Variants in TRPM3 observed in about 807,000 individuals in gnomAD.
TRPM3 encodes transient receptor potential cation channel subfamily M member 3, also known as long transient receptor potential channel 3.
In TRPM3, 77 loss-of-function variants were observed where a neutral mutation model predicts 181.2. That is an observed-to-expected ratio of 0.42 (90% CI 0.35 to 0.51). The LOEUF (loss-of-function observed/expected upper bound fraction) is 0.51, where lower values mean the gene tolerates loss of function less well. Among genes scored for constraint, TRPM3 ranks in the 20% least tolerant of loss-of-function variants. TRPM3 has a pLI of 0.01. For synonymous variants in TRPM3, 745 were observed against 796.4 expected, an observed-to-expected ratio of 0.94 and a Z score of 1.09; for missense variants, 1,759 against 2,196.7, an observed-to-expected ratio of 0.80 and a Z score of 3.98.
intron 1 of TRPM3, among the ~76,000 whole-genome samples, chr9:71,051,455 T>G (rs952854945): frequency 6.6e-6 from 1 of 152,094 alleles, no homozygotes; most frequent in Non-Finnish European, 1.5e-5. Flanking sequence ...GTACCCAAGG[T>G]GCACAAGTAG....
chr9:70,562,903 T>C (rs1013826959), intron 22 of TRPM3, among the ~76,000 whole-genome samples: 31 of 152,142 alleles, frequency 2.0e-4, no homozygotes, highest in African/African-American at 7.2e-4. Flanking sequence ...AGGAGATCGA[T>C]TGCATTAACA....
intron 1 of TRPM3, among the ~76,000 whole-genome samples, chr9:71,168,883 T>C (rs2076696128): frequency 2.0e-5 from 3 of 152,164 alleles, no homozygotes; most frequent in African/African-American, 7.2e-5. Flanking sequence ...AGTTCACTGA[T>C]ACAAAAGAAG....
intron 1 of TRPM3, among the ~76,000 whole-genome samples, chr9:71,260,501 T>C (rs1352428895): frequency 1.3e-5 from 2 of 152,220 alleles, no homozygotes; most frequent in Non-Finnish European, 2.9e-5. Context: ...ATATTGATTC[T>C]TCCTATCCAT....
At chr9:71,395,797 C>G (rs1047387498) in intron 1 of TRPM3, among the ~76,000 whole-genome samples, 5 of 152,092 alleles carry the variant, frequency 3.3e-5, no homozygotes, top group Admixed American at 3.3e-4. Flanking sequence ...CCTTTTAATA[C>G]CCTTTAATCA....
chr9:71,217,140 CG>C (rs970434660), intron 1 of TRPM3, among the ~76,000 whole-genome samples: 1 of 151,012 alleles, frequency 6.6e-6, no homozygotes, highest in African/African-American at 2.4e-5. Context: ...TTAGTAGAGA[CG>C]GGGTTTCACC....
chr9:71,377,323 A>C (rs2092690543), intron 1 of TRPM3, among the ~76,000 whole-genome samples: 1 of 152,126 alleles, frequency 6.6e-6, no homozygotes, highest in Admixed American at 6.6e-5. Context: ...AATATTAACC[A>C]CCATCCAAAC....
chr9:71,211,423 T>C (rs1186929460), intron 1 of TRPM3, among the ~76,000 whole-genome samples: 1 of 151,932 alleles, frequency 6.6e-6, no homozygotes, highest in Non-Finnish European at 1.5e-5. Flanking sequence ...CTAAAGACAG[T>C]AATGCCAATT....
chr9:71,172,927 C>T (rs1426625426), intron 1 of TRPM3, among the ~76,000 whole-genome samples: 1 of 152,142 alleles, frequency 6.6e-6, no homozygotes, highest in African/African-American at 2.4e-5. Flanking sequence ...AATGCAGAGG[C>T]ATCTTGTAAC....
At chr9:71,257,204 C>T (rs1363005659) in intron 1 of TRPM3, among the ~76,000 whole-genome samples, 8 of 151,938 alleles carry the variant, frequency 5.3e-5, no homozygotes, top group Non-Finnish European at 2.9e-5. Flanking sequence ...TTTAATAGTA[C>T]AGATCAAGAT....
At chr9:70,862,779 G>T (rs2095554815) in intron 3 of TRPM3, 129 bp downstream of exon 3, 9 of 887,810 alleles carry the variant, frequency 1.0e-5, no homozygotes, top group Non-Finnish European at 1.6e-5. Flanking sequence ...CTCAGAGCAG[G>T]TCACCTCATC....
At position 70,874,059 on chromosome 9, in the gene TRPM3, A is replaced by G. The variant is rs181157918; in HGVS notation, c.178-9548T>C. Among the ~76,000 whole-genome samples the G allele has an allele frequency of 1.5e-4, 23 of 152,052 alleles. No homozygotes were observed. In the East Asian group the frequency reaches 4.5e-3, roughly 30 times the overall value. ...TGTTAGGTTAGATTATGTTTTTATC[A>G]TCTGATTGGGAAAAGATTCAATAAA... On this transcript the variant is annotated intron_variant, in intron 1 of 25. Transcript: ENST00000677713.
intron 1 of TRPM3, among the ~76,000 whole-genome samples, chr9:70,941,199 G>C (rs559520806): frequency 6.6e-6 from 1 of 152,290 alleles, no homozygotes; most frequent in South Asian, 2.1e-4. Context: ...CCCTTAATCT[G>C]GGTGGGCACC....
At chr9:70,749,684 T>C (rs2075789455) in intron 8 of TRPM3, among the ~76,000 whole-genome samples, 1 of 152,194 alleles carries the variant, frequency 6.6e-6, no homozygotes, top group African/African-American at 2.4e-5. Flanking sequence ...GTCAGATTAT[T>C]TCCTATATTT....
intron 1 of TRPM3, among the ~76,000 whole-genome samples, chr9:71,198,114 T>C (rs1388870244): frequency 8.7e-5 from 13 of 149,824 alleles, no homozygotes; most frequent in Admixed American, 5.4e-4. Context: ...CCCAGCACCA[T>C]TTATTAAATA....
intron 8 of TRPM3, among the ~76,000 whole-genome samples, chr9:70,742,122 G>A (rs943202940): frequency 6.6e-6 from 1 of 151,894 alleles, no homozygotes; most frequent in Non-Finnish European, 1.5e-5. Flanking sequence ...ACATTTTAAT[G>A]ACATAGGAAC....
chr9:70,916,438 C>T (rs1402475637), intron 1 of TRPM3, among the ~76,000 whole-genome samples: 1 of 152,068 alleles, frequency 6.6e-6, no homozygotes, highest in African/African-American at 2.4e-5. Flanking sequence ...AACAACTTTT[C>T]AAGACAGTAG....
At chr9:70,906,291 G>A (rs1255939506) in intron 1 of TRPM3, among the ~76,000 whole-genome samples, 1 of 152,084 alleles carries the variant, frequency 6.6e-6, no homozygotes. Flanking sequence ...AATAAATGAG[G>A]AGGGATGAAA....
chr9:71,373,702 A>G (rs2092591736), intron 1 of TRPM3, among the ~76,000 whole-genome samples: 1 of 152,160 alleles, frequency 6.6e-6, no homozygotes, highest in African/African-American at 2.4e-5. Flanking sequence ...AGAGGTACCA[A>G]GAAGAGCTGG....
intron 8 of TRPM3, among the ~76,000 whole-genome samples, chr9:70,741,632 G>A (rs1464365469): frequency 6.6e-6 from 1 of 152,066 alleles, no homozygotes; most frequent in African/African-American, 2.4e-5. Context: ...ATCACAGAAC[G>A]CTACTCAGCC....
Sources: allele counts gnomAD v4.1 joint callset (sites outside exome capture counted in the v4.1 genomes callset), GRCh38; gene constraint gnomAD v4.1.1; transcripts MANE v1.5; gene names NCBI Gene and HGNC (gene_info 2026-07-23, HGNC 2026-07-21).